EMSY: variants seen among roughly 807,000 people sequenced by gnomAD.
EMSY encodes BRCA2-interacting transcriptional repressor EMSY.
In EMSY, 26 loss-of-function variants were observed where a neutral mutation model predicts 134.6. The ratio of observed to expected loss-of-function variants is 0.19; its 90% CI spans 0.14 to 0.27. The LOEUF (loss-of-function observed/expected upper bound fraction) is 0.27, where lower values mean the gene tolerates loss of function less well. Among genes scored for constraint, EMSY ranks in the 10% least tolerant of loss-of-function variants. EMSY has a pLI of 1.00. For synonymous variants in EMSY, 579 were observed against 577.8 expected (o/e 1.00, Z -0.03); for missense variants, 1,305 against 1,611.4 (o/e 0.81, Z 3.26).
At chr11:76,446,638 GGC>G (rs1947424319) in intron 1 of EMSY, among the ~76,000 whole-genome samples, 1 of 152,134 alleles carries the variant, frequency 6.6e-6, no homozygotes, top group Non-Finnish European at 1.5e-5. Context: ...GTAAAGCTTA[GGC>G]TTAACCAGTA....
At chr11:76,518,428 A>G (rs1215886503) in intron 11 of EMSY, among the ~76,000 whole-genome samples, 1 of 151,442 alleles carries the variant, frequency 6.6e-6, no homozygotes. Flanking sequence ...TTGGCCACCC[A>G]AAGTGCTGGG....
chr11:76,542,161 G>T, intron 17 of EMSY, 55 bp from the exon 19 acceptor site: 7 of 1,595,284 alleles, frequency 4.4e-6, no homozygotes, highest in African/African-American at 1.3e-5. Flanking sequence ...ATGACTACTG[G>T]TTACAGATGC....
intron 7 of EMSY, among the ~76,000 whole-genome samples, chr11:76,469,918 T>C (rs1008125373): frequency 1.3e-5 from 2 of 152,208 alleles, no homozygotes; most frequent in African/African-American, 4.8e-5. Context: ...TCTATAAATA[T>C]GCTGGTTGAC....
chr11:76,469,568 A>G (rs1474389384), intron 7 of EMSY, among the ~76,000 whole-genome samples: 1 of 152,242 alleles, frequency 6.6e-6, no homozygotes, highest in Non-Finnish European at 1.5e-5. Flanking sequence ...ATTAAGTAGT[A>G]GTAATAAGCT....
chr11:76,506,572 A>T (rs1181176418), intron 9 of EMSY, among the ~76,000 whole-genome samples: 1 of 152,238 alleles, frequency 6.6e-6, no homozygotes, highest in Non-Finnish European at 1.5e-5. Flanking sequence ...GCACACAAAA[A>T]GTGAATTACA....
intron 8 of EMSY, among the ~76,000 whole-genome samples, chr11:76,477,944 A>T (rs1719995411): frequency 6.6e-6 from 1 of 152,078 alleles, no homozygotes; most frequent in Non-Finnish European, 1.5e-5. Context: ...GATTTCATGA[A>T]TTATTTACCC....
intron 8 of EMSY, among the ~76,000 whole-genome samples, chr11:76,475,845 G>C (rs757865981): frequency 2.0e-5 from 3 of 152,194 alleles, no homozygotes; most frequent in East Asian, 1.9e-4. Flanking sequence ...TTTTAGGGCT[G>C]ATGTATCTCT....
chr11:76,492,895 C>A (rs1296020296), intron 8 of EMSY, among the ~76,000 whole-genome samples: 2 of 152,056 alleles, frequency 1.3e-5, no homozygotes, highest in Non-Finnish European at 2.9e-5. Flanking sequence ...CTGTGGCCAC[C>A]CATGAACCAA....
intron 11 of EMSY, among the ~76,000 whole-genome samples, chr11:76,518,462 C>A (rs1263913557): frequency 2.0e-5 from 3 of 151,654 alleles, no homozygotes; most frequent in African/African-American, 7.3e-5. Context: ...GCCACCATGC[C>A]TGGCTCTTTT....
chr11:76,474,115 CAAAA>C (rs11407539), intron 8 of EMSY, among the ~76,000 whole-genome samples: 1 of 128,670 alleles, frequency 7.8e-6, no homozygotes. Flanking sequence ...GACCCTGTCT[CAAAA>C]AAAAAAAAAA....
chr11:76,460,823 T>TACA (rs1165277627), intron 6 of EMSY: 1 of 151,740 alleles, frequency 6.6e-6, no homozygotes, highest in Non-Finnish European at 1.5e-5. Flanking sequence ...CTACTAAAAA[T>TACA]ACAACAACAA....
chr11:76,518,658 G>A (rs1051986039), intron 11 of EMSY, among the ~76,000 whole-genome samples: 14 of 135,326 alleles, frequency 1.0e-4, no homozygotes, highest in Admixed American at 3.8e-4. Flanking sequence ...TTTTCTATTC[G>A]TTTGTATAAA....
At chr11:76,544,754 G>A (rs765291573) in exon 19 of EMSY, 49 of 1,614,012 alleles carry the variant, frequency 3.0e-5, no homozygotes, top group East Asian at 6.7e-5. Flanking sequence ...AAAAATCTAC[G>A]TGCAACCCCA....
intron 20 of EMSY, 128 bp from the exon 22 acceptor site, chr11:76,549,824 G>C: frequency 1.3e-6 from 1 of 742,796 alleles, no homozygotes; most frequent in Non-Finnish European, 2.2e-6. Context: ...ACAGTGCCTG[G>C]CATGTAGTAG....
At chr11:76,464,917 C>T (rs142418202) in intron 7 of EMSY, among the ~76,000 whole-genome samples, 11 of 152,242 alleles carry the variant, frequency 7.2e-5, no homozygotes, top group Non-Finnish European at 1.0e-4. Flanking sequence ...GATGTTGTTG[C>T]TCTGTTGGCT....
At chr11:76,495,495 A>T (rs1390944290) in intron 8 of EMSY, among the ~76,000 whole-genome samples, 1 of 152,230 alleles carries the variant, frequency 6.6e-6, no homozygotes, top group African/African-American at 2.4e-5. Context: ...TCTGAAACTC[A>T]TACATCTTTA....
At chr11:76,446,417 A>G (rs1565263346) in intron 1 of EMSY, among the ~76,000 whole-genome samples, 1 of 150,708 alleles carries the variant, frequency 6.6e-6, no homozygotes, top group Non-Finnish European at 1.5e-5. Flanking sequence ...ACGAGGAGTT[A>G]TTTATTAAGT....
intron 8 of EMSY, among the ~76,000 whole-genome samples, chr11:76,491,757 T>C (rs1168596304): frequency 6.6e-6 from 1 of 152,258 alleles, no homozygotes; most frequent in Non-Finnish European, 1.5e-5. Flanking sequence ...CTTCTCAGTG[T>C]AGATGCTCTC....
exon 7 of EMSY, chr11:76,464,020 T>G (rs1217775354): frequency 6.2e-7 from 1 of 1,614,184 alleles, no homozygotes; most frequent in Non-Finnish European, 8.5e-7. Flanking sequence ...CCCACATGTC[T>G]CCTGTAAAAA....
Sources: allele counts gnomAD v4.1 joint callset (sites outside exome capture counted in the v4.1 genomes callset), GRCh38; gene constraint gnomAD v4.1.1; transcripts MANE v1.5; gene names NCBI Gene and HGNC (gene_info 2026-07-23, HGNC 2026-07-21).